The following LNPK variants were observed in gnomAD, a reference collection of about 807,000 sequenced individuals.
The protein encoded by LNPK is lunapark, ER junction formation factor.
LNPK carries 29 observed loss-of-function variants against 55.2 expected under a neutral mutation model. That is an observed-to-expected ratio of 0.53 (90% CI 0.39 to 0.72). The LOEUF (loss-of-function observed/expected upper bound fraction) is 0.72, where lower values mean the gene tolerates loss of function less well. LNPK is among the 30% of genes least tolerant of loss of function. LNPK has a pLI of 0.00. For missense variants in LNPK, 467 were observed against 494.8 expected (o/e 0.94, Z 0.53); for synonymous variants, 162 against 168.2 (o/e 0.96, Z 0.29).
chr2:175,990,015 A>C (rs1687623701), intron 4 of LNPK, among the ~76,000 whole-genome samples: 1 of 152,234 alleles, frequency 6.6e-6, no homozygotes. Flanking sequence ...GTAGATTTCT[A>C]AACTATATAA....
chr2:175,941,895 A>G (rs934033183), intron 9 of LNPK, among the ~76,000 whole-genome samples: 3 of 151,752 alleles, frequency 2.0e-5, no homozygotes, highest in African/African-American at 7.2e-5. Flanking sequence ...TAAGAATGAC[A>G]GCAGACTTCT....
At chr2:175,963,288 A>G (rs1686153451) in intron 8 of LNPK, among the ~76,000 whole-genome samples, 1 of 152,236 alleles carries the variant, frequency 6.6e-6, no homozygotes, top group Admixed American at 6.5e-5. Flanking sequence ...CACAATAGCA[A>G]AGACTTGGAA....
chr2:175,984,327 C>T (rs1275779112), intron 4 of LNPK, among the ~76,000 whole-genome samples: 8 of 152,036 alleles, frequency 5.3e-5, no homozygotes, highest in East Asian at 1.9e-4. Flanking sequence ...TACAGGCACG[C>T]GTCACCATGC....
At chr2:175,985,954 A>G (rs1423392768) in intron 4 of LNPK, among the ~76,000 whole-genome samples, 1 of 152,236 alleles carries the variant, frequency 6.6e-6, no homozygotes, top group African/African-American at 2.4e-5. Flanking sequence ...GGGTACCTGC[A>G]ACCTGCCTGT....
chr2:175,973,347 C>T (rs1686746737), intron 5 of LNPK, among the ~76,000 whole-genome samples: 1 of 152,156 alleles, frequency 6.6e-6, no homozygotes, highest in Non-Finnish European at 1.5e-5. Flanking sequence ...AGCTTCTATT[C>T]ATGATTGAAA....
chr2:175,947,756 CA>C, intron 8 of LNPK, 64 bp from the exon 9 acceptor site: 1 of 1,150,998 alleles, frequency 8.7e-7, no homozygotes, highest in Non-Finnish European at 1.2e-6. Flanking sequence ...GTATCACAAA[CA>C]ATTTATATTT....
chr2:176,002,210 G>A lies in LNPK; in HGVS notation c.-113C>T, dbSNP rs1176947852. 5 of 450,498 alleles carry A rather than the reference G, an allele frequency of 1.1e-5. No individual in the cohort carries two copies. The highest frequency in any genetic ancestry group is 1.4e-4 in the East Asian group (2 of 13,800). The allele number at this position is 450,498 out of a possible 1,614,324, so 27.9% of individuals were successfully genotyped here. A position where few individuals can be genotyped will look rare whatever the true frequency, so the allele number is the denominator to read the frequency against. ...CCGGGCGTCCACCCCCGCCAGTCTC[G>A]GCCGCCACCGCCCAGCCTGCCTCCA... is the stretch of plus-strand genomic sequence containing the variant. On this transcript the variant is annotated 5_prime_UTR_variant, in exon 1 of 13. Transcript: ENST00000272748.
intron 9 of LNPK, among the ~76,000 whole-genome samples, chr2:175,947,004 A>G (rs766018360): frequency 2.6e-4 from 39 of 151,886 alleles, no homozygotes; most frequent in Non-Finnish European, 4.7e-4. Context: ...CTAAGGTTCT[A>G]TGCCTTAAAA....
chr2:175,958,094 G>GGCCT (rs1254000794), intron 8 of LNPK, among the ~76,000 whole-genome samples: 2 of 152,196 alleles, frequency 1.3e-5, no homozygotes, highest in Admixed American at 6.5e-5. Flanking sequence ...AGCTCAACCA[G>GGCCT]GCCTGCCTGC....
At chr2:175,976,503 G>A (rs1040510154) in intron 5 of LNPK, among the ~76,000 whole-genome samples, 1 of 152,190 alleles carries the variant, frequency 6.6e-6, no homozygotes, top group Non-Finnish European at 1.5e-5. Flanking sequence ...ATTATTCTGG[G>A]TGTCTGTGAG....
chr2:175,929,403 C>T lies in LNPK; in HGVS notation c.*564G>A. The T allele has an allele frequency of 5.1e-6, 5 of 983,238 alleles. No individual in the cohort carries two copies. The highest frequency in any genetic ancestry group is 6.0e-6 in the Non-Finnish European group (5 of 827,564). The allele number at this position is 983,238 out of a possible 1,614,324, so 60.9% of individuals were successfully genotyped here. A position where few individuals can be genotyped will look rare whatever the true frequency, so the allele number is the denominator to read the frequency against. On this transcript the variant is annotated 3_prime_UTR_variant, in exon 13 of 13. Coordinates refer to ENST00000272748, the MANE Select transcript of LNPK (RefSeq NM_030650.3). ...CAGTGCCAACGTAGTTACAGTTCTA[C>T]TTAACTGTTCCACTGCATTCTTATT...
At chr2:175,953,434 A>G (rs1404069508) in intron 8 of LNPK, among the ~76,000 whole-genome samples, 1 of 152,106 alleles carries the variant, frequency 6.6e-6, no homozygotes, top group Non-Finnish European at 1.5e-5. Context: ...ATTCAACAGA[A>G]CCAAAAGTAA....
intron 8 of LNPK, among the ~76,000 whole-genome samples, chr2:175,957,273 A>C (rs930038427): frequency 4.0e-5 from 6 of 151,852 alleles, no homozygotes; most frequent in Non-Finnish European, 7.4e-5. Context: ...CAGGAGAATC[A>C]CTTGAACCTT....
At chr2:175,994,454 A>G (rs1470621844) in intron 2 of LNPK, among the ~76,000 whole-genome samples, 2 of 151,734 alleles carry the variant, frequency 1.3e-5, no homozygotes, top group African/African-American at 4.8e-5. Flanking sequence ...AATAAGGAGT[A>G]AAAAAAAATA....
chr2:175,971,335 A>G (rs1376169966), intron 5 of LNPK, among the ~76,000 whole-genome samples: 1 of 152,188 alleles, frequency 6.6e-6, no homozygotes, highest in African/African-American at 2.4e-5. Context: ...TCCAAAATTA[A>G]ACATTTCTAA....
chr2:175,992,498 A>G (rs995159828), intron 3 of LNPK, 80 bp from the exon 4 acceptor site: 18 of 825,376 alleles, frequency 2.2e-5, no homozygotes, highest in Non-Finnish European at 2.8e-5. Flanking sequence ...TTTAGCAGGA[A>G]AGATATTTAA....
At chr2:175,932,519 T>C (rs1684325469) in intron 12 of LNPK, among the ~76,000 whole-genome samples, 1 of 152,134 alleles carries the variant, frequency 6.6e-6, no homozygotes, top group South Asian at 2.1e-4. Flanking sequence ...CTGGGTTAAT[T>C]TGCAGAAAAG....
chr2:175,946,194 T>C (rs1017541719), intron 9 of LNPK, among the ~76,000 whole-genome samples: 2 of 152,180 alleles, frequency 1.3e-5, no homozygotes, highest in African/African-American at 4.8e-5. Flanking sequence ...TTTTTATTAC[T>C]TTATATGTTG....
chr2:175,957,401 A>C (rs1032721027), intron 8 of LNPK, among the ~76,000 whole-genome samples: 1 of 151,660 alleles, frequency 6.6e-6, no homozygotes, highest in Non-Finnish European at 1.5e-5. Context: ...CCACCTACCT[A>C]TGTCTTCCCA....
Sources: allele counts gnomAD v4.1 joint callset (sites outside exome capture counted in the v4.1 genomes callset), GRCh38; gene constraint gnomAD v4.1.1; transcripts MANE v1.5; gene names NCBI Gene and HGNC (gene_info 2026-07-23, HGNC 2026-07-21).